Variants in CRIP2 observed in about 807,000 individuals in gnomAD.
CRIP2 encodes cysteine-rich protein 2.
CRIP2 carries 31 observed loss-of-function variants against 31.3 expected under a neutral mutation model. The observed-to-expected ratio is 0.99, with a 90% CI of 0.74 to 1.34. The LOEUF (loss-of-function observed/expected upper bound fraction) is 1.34. Among genes scored for constraint, CRIP2 ranks in the 40% most tolerant of loss-of-function variants. CRIP2 has a pLI of 0.00. For missense variants in CRIP2, 389 were observed against 301.6 expected, an observed-to-expected ratio of 1.29 and a Z score of -2.15; for synonymous variants, 177 against 127.2, an observed-to-expected ratio of 1.39 and a Z score of -2.63.
Position 105,478,407 on chromosome 14 carries a change from C to T in CRIP2, c.139-43C>T, listed in dbSNP as rs587646193. On this transcript the variant is annotated intron_variant, in intron 2 of 7. Coordinates refer to ENST00000329146, the MANE Select transcript of CRIP2 (RefSeq NM_001312.4). This position sits in a 1 kb window ranked among gnomAD's most constrained non-coding sequence, Gnocchi z 4.9. Reference sequence around the variant, plus strand: ...GGGCGGGGGCGGGGGTCGCGACTCCCGCCACCCTCAGGCAGGGTCCTGACC... The same window carrying T: ...GGGCGGGGGCGGGGGTCGCGACTCCTGCCACCCTCAGGCAGGGTCCTGACC... 2 of 1,585,052 alleles carry T rather than the reference C, an allele frequency of 1.3e-6. No homozygotes were observed. The highest frequency in any genetic ancestry group is 1.8e-5 in the Admixed American group (1 of 57,052).
rs2084009530 is a variant in CRIP2 at position 105,478,677 on chromosome 14, G to A, written c.197-54G>A. Reference sequence around the variant, plus strand: ...CAGCGGGCCGTTTTCTGAGATGCCCGGTGGCCGCGGCCCCCACCCCACGTA... The same window carrying A: ...CAGCGGGCCGTTTTCTGAGATGCCCAGTGGCCGCGGCCCCCACCCCACGTA... On this transcript the variant is annotated intron_variant, in intron 3 of 7. Transcript: ENST00000329146. The surrounding 1 kb of genome is among the most constrained non-coding windows in gnomAD (Gnocchi z 4.9). 5.5e-6 allele frequency: 8 copies of A among 1,449,646 alleles called. No homozygotes were observed. The East Asian group carries it at 1.0e-4, about 18-fold the overall frequency. 89.8% of individuals were successfully genotyped at this position (1,449,646 alleles called of 1,614,324 possible). A position where few individuals can be genotyped will look rare whatever the true frequency, so the allele number is the denominator to read the frequency against.
intron 1 of CRIP2, chr14:105,476,039 G>A (rs2083925739): frequency 1.0e-6 from 1 of 985,618 alleles, no homozygotes; most frequent in Non-Finnish European, 1.2e-6. Context: ...TTGGCCTGGA[G>A]TGCTTCTGGC....
At position 105,474,871 on chromosome 14, in the gene CRIP2, C is replaced by T. The variant is rs141796112; in HGVS notation, c.9C>T (p.Ser3=). ...GACCGGGCGCACCGACCATGGCCTC[C>T]AAATGCCCCAAGTGCGACAAGACCG... MA[S]KCPKCDKTVY... Residue 3 remains serine (S), a synonymous_variant, in exon 1 of 8, where the codon TCC becomes TCT. Coordinates refer to ENST00000329146, the MANE Select transcript of CRIP2 (RefSeq NM_001312.4). This position sits in a 1 kb window ranked among gnomAD's most constrained non-coding sequence, Gnocchi z 5.1. 3 of 1,513,454 alleles carry T rather than the reference C, an allele frequency of 2.0e-6. No homozygotes were observed. Among genetic ancestry groups the T allele is most frequent in the African/African-American group, 2.9e-5 (2 of 69,190 alleles). The allele number at this position is 1,513,454 out of a possible 1,614,324, so 93.8% of individuals were successfully genotyped here.
In CRIP2 at chr14:105,478,183, T is replaced by G. The variant is rs1595454465; in HGVS notation, c.44-83T>G. 4.2e-5 allele frequency: 45 copies of G among 1,065,162 alleles called. No individual in the cohort carries two copies. Among genetic ancestry groups the G allele is most frequent in the Non-Finnish European group, 4.9e-5 (38 of 776,292 alleles). 66.0% of individuals were successfully genotyped at this position (1,065,162 alleles called of 1,614,324 possible). Reference sequence around the variant, plus strand: ...TGAAAGTGGGGACCCCCGGAGCGCGTGGGGGTGGTGGCTGCCAGGTGGGGG... The same window carrying G: ...TGAAAGTGGGGACCCCCGGAGCGCGGGGGGGTGGTGGCTGCCAGGTGGGGG... On this transcript the variant is annotated intron_variant, in intron 1 of 7. Transcript: ENST00000329146. The surrounding 1 kb of genome is among the most constrained non-coding windows in gnomAD (Gnocchi z 4.9).
chr14:105,480,032 T>G lies in CRIP2; in HGVS notation c.*379T>G. 1 of 239,506 alleles carries G rather than the reference T, an allele frequency of 4.2e-6. No individual in the cohort carries two copies. Among genetic ancestry groups the G allele is most frequent in the Non-Finnish European group, 8.3e-6 (1 of 119,970 alleles). The allele number at this position is 239,506 out of a possible 1,614,324, so 14.8% of individuals were successfully genotyped here. On this transcript the variant is annotated 3_prime_UTR_variant, in exon 8 of 8. Transcript: ENST00000329146. ...GTGGGTGATGGCCACGCCCTCACCA[T>G]GTCCCTGGCAGAGGGCTTCCCTCCG...
Position 105,478,536 on chromosome 14 carries a change from T to C in CRIP2, c.196+29T>C. The C allele has an allele frequency of 6.3e-7, 1 of 1,595,570 alleles. No homozygotes were observed. ...AGCTCCGGCTGCCCTCGGCCTGCCC[T>C]GGGACCTGCTGGGAGGGGCGTGGCG... On this transcript the variant is annotated intron_variant, in intron 3 of 7. Coordinates refer to ENST00000329146, the MANE Select transcript of CRIP2 (RefSeq NM_001312.4). The surrounding 1 kb of genome is among the most constrained non-coding windows in gnomAD (Gnocchi z 4.9).
At position 105,476,119 on chromosome 14, in the gene CRIP2, C is replaced by T. The variant is rs587618099; in HGVS notation, c.43+1214C>T. 22 of 985,510 alleles carry T rather than the reference C, an allele frequency of 2.2e-5. No individual in the cohort carries two copies. The Admixed American group carries it at 2.5e-4, about 11-fold the overall frequency. The allele number at this position is 985,510 out of a possible 1,614,324, so 61.0% of individuals were successfully genotyped here. ...GCTCAGCCCTCAGTCTCTGTCCCAG[C>T]GAGGGCTGTCTCTGTAAGGCTTAGG... On this transcript the variant is annotated intron_variant, in intron 1 of 7. Coordinates refer to ENST00000329146, the MANE Select transcript of CRIP2 (RefSeq NM_001312.4).
At position 105,479,510 on chromosome 14, in the gene CRIP2, T is replaced by C; in HGVS notation, c.559+17T>C. On this transcript the variant is annotated intron_variant, in intron 7 of 7. Transcript: ENST00000329146. ...GACCCAAGGGTGAGTGTAGCCAGGGTGGTCCACGATGTCTTCCCTGCCCTC... is the reference window on the plus strand; with the variant it reads ...GACCCAAGGGTGAGTGTAGCCAGGGCGGTCCACGATGTCTTCCCTGCCCTC... 6.2e-7 allele frequency: 1 copy of C among 1,612,724 alleles called. No homozygotes were observed. The highest frequency in any genetic ancestry group is 8.5e-7 in the Non-Finnish European group (1 of 1,179,890).
Position 105,478,914 on chromosome 14 carries a change from CGGGCTG to C in CRIP2, c.337+53_338-50del, listed in dbSNP as rs1408321089. The C allele has an allele frequency of 1.3e-6, 2 of 1,494,752 alleles. No individual in the cohort carries two copies. Among genetic ancestry groups the C allele is most frequent in the East Asian group, 2.5e-5 (1 of 39,510 alleles). The allele number at this position is 1,494,752 out of a possible 1,614,324, so 92.6% of individuals were successfully genotyped here. ...TGGGGCTGGGGGTTGTGGGCACGCG[CGGGCTG>C]GGGCTGGGGGTTGTGGGCACCCCCG... On this transcript the variant is annotated intron_variant, in intron 4 of 7. Transcript: ENST00000329146. The surrounding 1 kb of genome is among the most constrained non-coding windows in gnomAD (Gnocchi z 4.9).
rs1370940095 is a variant in CRIP2, at chr14:105,478,034, G to T, written c.44-232G>T. 6.6e-6 allele frequency among the ~76,000 whole-genome samples: 1 copy of T among 151,802 alleles called. No homozygotes were observed. Among genetic ancestry groups the T allele is most frequent in the African/African-American group, 2.4e-5 (1 of 41,276 alleles). On this transcript the variant is annotated intron_variant, in intron 1 of 7. Coordinates refer to ENST00000329146, the MANE Select transcript of CRIP2 (RefSeq NM_001312.4). This position sits in a 1 kb window ranked among gnomAD's most constrained non-coding sequence, Gnocchi z 4.9. Reference sequence around the variant, plus strand: ...CCCTTCTCAAAGGCGGCTCTAGCGGGGTTCCAGGGCTGGGGGCGCTGAGAC... The same window carrying T: ...CCCTTCTCAAAGGCGGCTCTAGCGGTGTTCCAGGGCTGGGGGCGCTGAGAC...
intron 1 of CRIP2, chr14:105,477,435 G>C: frequency 2.0e-6 from 2 of 985,190 alleles, no homozygotes; most frequent in Non-Finnish European, 2.4e-6. Context: ...ACGGGGCCTG[G>C]CCTTCCCATG....
intron 1 of CRIP2, chr14:105,477,555 TGA>T (rs2083960278): frequency 1.0e-6 from 1 of 980,904 alleles, no homozygotes; most frequent in Non-Finnish European, 1.2e-6. Context: ...GAGGCAGGTG[TGA>T]GAGGGAGAGC....
Position 105,478,330 on chromosome 14 carries a change from C to T in CRIP2, c.108C>T (p.Ser36=). The T allele has an allele frequency of 1.3e-6, 2 of 1,567,172 alleles. No homozygotes were observed. Among genetic ancestry groups the T allele is most frequent in the South Asian group, 1.2e-5 (1 of 85,780 alleles). ...TCTGCCTCAAGTGCGAGCGCTGCAG[C>T]AAGACGCTGACGCCCGGGGGCCACG... ...HKFCLKCERC[S]KTLTPGGHAE... The change falls in exon 2 of 8, where the codon AGC becomes AGT. Residue 36 remains serine (S), a synonymous_variant. Transcript: ENST00000329146. This position sits in a 1 kb window ranked among gnomAD's most constrained non-coding sequence, Gnocchi z 4.9.
Position 105,479,421 on chromosome 14 carries a change from C to T in CRIP2, c.502-15C>T, listed in dbSNP as rs1555436831. The stretch of plus-strand genomic sequence containing the variant: ...GTCTGTGGACTCCTCCCTCAGCACC[C>T]ACCTTCTGCCCCAGCACGACGGCCA... On this transcript the variant is annotated splice_polypyrimidine_tract_variant and intron_variant, in intron 6 of 7. Coordinates refer to ENST00000329146, the MANE Select transcript of CRIP2 (RefSeq NM_001312.4). 1.2e-6 allele frequency: 2 copies of T among 1,612,692 alleles called. No homozygotes were observed. The highest frequency in any genetic ancestry group is 3.3e-5 in the Admixed American group (2 of 60,016).
At chr14:105,479,558 G>T (rs1555436895) in intron 7 of CRIP2, 28 bp from the exon 8 acceptor site, 1 of 1,612,602 alleles carries the variant, frequency 6.2e-7, no homozygotes, top group Non-Finnish European at 8.5e-7. Flanking sequence ...CTGTTCCCCC[G>T]ACCCACCCCA....
At position 105,478,391 on chromosome 14, in the gene CRIP2, C is replaced by T; in HGVS notation, c.138+31C>T. On this transcript the variant is annotated intron_variant, in intron 2 of 7. Coordinates refer to ENST00000329146, the MANE Select transcript of CRIP2 (RefSeq NM_001312.4). This position sits in a 1 kb window ranked among gnomAD's most constrained non-coding sequence, Gnocchi z 4.9. ...CCCCACTGCGCGGCGCGGGCGGGGGCGGGGGTCGCGACTCCCGCCACCCTC... is the reference window on the plus strand; with the variant it reads ...CCCCACTGCGCGGCGCGGGCGGGGGTGGGGGTCGCGACTCCCGCCACCCTC... 1 of 1,570,626 alleles carries T rather than the reference C, an allele frequency of 6.4e-7. No individual in the cohort carries two copies.
chr14:105,474,699 G>A, upstream of CRIP2: 1 of 929,716 alleles, frequency 1.1e-6, no homozygotes, highest in African/African-American at 1.8e-5. The surrounding 1 kb of genome is among the most constrained non-coding windows in gnomAD (Gnocchi z 5.1). Context: ...CCGCCCCCGC[G>A]GCGCCCCCAG....
At position 105,474,866 on chromosome 14, in the gene CRIP2, G is replaced by T; in HGVS notation, c.4G>T (p.Ala2Ser). 1 of 1,507,770 alleles carries T rather than the reference G, an allele frequency of 6.6e-7. No homozygotes were observed. The highest frequency in any genetic ancestry group is 8.9e-7 in the Non-Finnish European group (1 of 1,126,824). 93.4% of individuals were successfully genotyped at this position (1,507,770 alleles called of 1,614,324 possible). ...GGGCCGACCGGGCGCACCGACCATG[G>T]CCTCCAAATGCCCCAAGTGCGACAA... is the stretch of plus-strand genomic sequence containing the variant. Reference protein sequence around the residue: MASKCPKCDKTV... With the variant: MSSKCPKCDKTV... The change falls in exon 1 of 8, where the codon GCC becomes TCC. Residue 2 changes from alanine to serine, a missense_variant. Physicochemically the swap from Ala to Ser is moderately conservative, Grantham distance 99. Coordinates refer to ENST00000329146, the MANE Select transcript of CRIP2 (RefSeq NM_001312.4). This position sits in a 1 kb window ranked among gnomAD's most constrained non-coding sequence, Gnocchi z 5.1.
intron 1 of CRIP2, chr14:105,476,843 T>C (rs1555435894): frequency 2.3e-6 from 2 of 884,556 alleles, no homozygotes; most frequent in East Asian, 1.2e-4. Context: ...GCCCTGGCCA[T>C]GCCCAGAGGG....
Sources: gnomAD v4.1 joint callset for allele counts (sites outside exome capture counted in the v4.1 genomes callset) on GRCh38, gnomAD v4.1.1 for gene constraint, Gnocchi (gnomAD v3.1) non-coding constraint, MANE v1.5 for transcripts, NCBI Gene and HGNC (gene_info 2026-07-23, HGNC 2026-07-21) for gene names.